Variants in MTUS2 observed in about 807,000 individuals in gnomAD.
The protein encoded by MTUS2 is microtubule-associated tumor suppressor candidate 2.
A neutral mutation model predicts 114.1 loss-of-function variants in MTUS2; 40 were observed. The ratio of observed to expected loss-of-function variants is 0.35; its 90% CI spans 0.27 to 0.46. MTUS2 has a LOEUF of 0.46. Among genes scored for constraint, MTUS2 ranks in the 20% least tolerant of loss-of-function variants. The pLI is 1.00. For missense variants in MTUS2, 1,679 were observed against 1,705.4 expected (o/e 0.98, Z 0.27); for synonymous variants, 688 against 672.0 (o/e 1.02, Z -0.37).
chr13:29,324,519 A>G, intron 6 of MTUS2, 94 bp from the exon 7 acceptor site: 1 of 841,782 alleles, frequency 1.2e-6, no homozygotes, highest in Admixed American at 2.3e-5. Context: ...GATATGTTTG[A>G]CTTTCTTGAA....
At chr13:28,861,410 A>T (rs1380867769) in intron 2 of MTUS2, among the ~76,000 whole-genome samples, 1 of 148,948 alleles carries the variant, frequency 6.7e-6, no homozygotes, top group Non-Finnish European at 1.5e-5. Context: ...TTGTGTAGGC[A>T]TGTAGCCCTT....
At chr13:28,834,430 G>T (rs1264702700) in intron 1 of MTUS2, among the ~76,000 whole-genome samples, 2 of 152,048 alleles carry the variant, frequency 1.3e-5, no homozygotes, top group African/African-American at 2.4e-5. Flanking sequence ...TTCAATTCAA[G>T]AAAGAATGAA....
At chr13:29,096,953 A>G (rs1035192053) in intron 4 of MTUS2, among the ~76,000 whole-genome samples, 2 of 152,028 alleles carry the variant, frequency 1.3e-5, no homozygotes, top group African/African-American at 4.8e-5. Flanking sequence ...TCTGTCTTAT[A>G]TGTTTGGGCC....
chr13:29,465,536 G>A (rs535971454), intron 9 of MTUS2, among the ~76,000 whole-genome samples: 1 of 152,276 alleles, frequency 6.6e-6, no homozygotes, highest in Non-Finnish European at 1.5e-5. Context: ...TATAATCTTT[G>A]CACACTAGTA....
intron 4 of MTUS2, among the ~76,000 whole-genome samples, chr13:29,088,885 C>T (rs1240627617): frequency 6.6e-6 from 1 of 152,134 alleles, no homozygotes; most frequent in Non-Finnish European, 1.5e-5. Flanking sequence ...GAAGACAGCA[C>T]ACAGTTGGGT....
intron 8 of MTUS2, among the ~76,000 whole-genome samples, chr13:29,439,374 T>C (rs904034613): frequency 6.6e-6 from 1 of 152,220 alleles, no homozygotes; most frequent in African/African-American, 2.4e-5. Flanking sequence ...CACTAAATGG[T>C]ATTTCAAGCC....
At chr13:29,045,152 A>G (rs1044807267) in intron 4 of MTUS2, among the ~76,000 whole-genome samples, 10 of 152,212 alleles carry the variant, frequency 6.6e-5, no homozygotes, top group African/African-American at 2.4e-4. Flanking sequence ...AATATAAGAT[A>G]GTCATGAGAA....
At chr13:29,037,205 G>C (rs1412806829) in intron 4 of MTUS2, among the ~76,000 whole-genome samples, 1 of 152,182 alleles carries the variant, frequency 6.6e-6, no homozygotes, top group Admixed American at 6.5e-5. Flanking sequence ...AGGCAGGCCT[G>C]GTGGTGACAC....
intron 9 of MTUS2, among the ~76,000 whole-genome samples, chr13:29,457,966 A>G (rs1879237504): frequency 6.6e-6 from 1 of 152,156 alleles, no homozygotes; most frequent in African/African-American, 2.4e-5. Context: ...GTTAGCCAGG[A>G]TGGTCTTGAT....
At chr13:28,994,845 G>A (rs1357435519) in intron 2 of MTUS2, among the ~76,000 whole-genome samples, 2 of 152,126 alleles carry the variant, frequency 1.3e-5, no homozygotes, top group African/African-American at 4.8e-5. Flanking sequence ...CTCCCATTCT[G>A]TAGATTGCCT....
chr13:29,366,569 G>A (rs1025565509), intron 8 of MTUS2, among the ~76,000 whole-genome samples: 1 of 152,218 alleles, frequency 6.6e-6, no homozygotes, highest in Admixed American at 6.5e-5. Context: ...TCCTCAGGGG[G>A]TAGAGTATGC....
chr13:29,406,722 C>T (rs1463122556), intron 8 of MTUS2, among the ~76,000 whole-genome samples: 1 of 152,092 alleles, frequency 6.6e-6, no homozygotes, highest in Admixed American at 6.5e-5. Flanking sequence ...GCTGCATTCC[C>T]AAGAATGTTT....
chr13:29,364,187 T>C (rs1870510450), intron 8 of MTUS2, among the ~76,000 whole-genome samples: 1 of 152,058 alleles, frequency 6.6e-6, no homozygotes, highest in Admixed American at 6.6e-5. Flanking sequence ...GACCTAATGG[T>C]TTAAGCTGTT....
At chr13:29,288,137 C>G (rs530922077) in intron 6 of MTUS2, among the ~76,000 whole-genome samples, 1 of 152,076 alleles carries the variant, frequency 6.6e-6, no homozygotes, top group Admixed American at 6.6e-5. Flanking sequence ...CTAGCAATGT[C>G]CAGTAGACAG....
At chr13:29,315,625 CAACTG>C (rs1327153478) in intron 6 of MTUS2, among the ~76,000 whole-genome samples, 18 of 152,112 alleles carry the variant, frequency 1.2e-4, no homozygotes, top group African/African-American at 4.3e-4. Context: ...AAAAGGGTGA[CAACTG>C]GATTGAGCTA....
intron 3 of MTUS2, 147 bp downstream of exon 3, chr13:29,027,050 C>A: frequency 1.1e-6 from 1 of 874,480 alleles, no homozygotes; most frequent in Non-Finnish European, 1.7e-6. Flanking sequence ...GAGTTTTTGA[C>A]TAGAGGAGAT....
intron 2 of MTUS2, among the ~76,000 whole-genome samples, chr13:28,892,768 G>A: frequency 6.6e-6 from 1 of 152,112 alleles, no homozygotes; most frequent in East Asian, 1.9e-4. Context: ...GGGGACCTTG[G>A]TGAAGAGCTT....
intron 2 of MTUS2, among the ~76,000 whole-genome samples, chr13:29,018,062 G>A (rs1886140287): frequency 1.3e-5 from 2 of 152,174 alleles, no homozygotes; most frequent in Admixed American, 1.3e-4. Context: ...CTGTTTGGTG[G>A]GGGAAGGGAG....
At position 29,496,637 on chromosome 13, in the gene MTUS2, T is replaced by C. The variant is rs1882570144; in HGVS notation, c.3580-601T>C. 6.6e-6 allele frequency among the ~76,000 whole-genome samples: 1 copy of C among 151,952 alleles called. No homozygotes were observed. Among genetic ancestry groups the C allele is most frequent in the African/African-American group, 2.4e-5 (1 of 41,342 alleles). ...CAGTGTGAGGGCAAAAGAGTGGTAATTCAGAGAAAAAGAGGAACCGTGCCA... is the reference window on the plus strand; with the variant it reads ...CAGTGTGAGGGCAAAAGAGTGGTAACTCAGAGAAAAAGAGGAACCGTGCCA... On this transcript the variant is annotated intron_variant, in intron 12 of 15. Coordinates refer to ENST00000612955, the MANE Select transcript of MTUS2 (RefSeq NM_001033602.4). The surrounding 1 kb of genome is among the most constrained non-coding windows in gnomAD (Gnocchi z 4.3).
Sources: gnomAD v4.1 joint callset for allele counts (sites outside exome capture counted in the v4.1 genomes callset) on GRCh38, gnomAD v4.1.1 for gene constraint, Gnocchi (gnomAD v3.1) non-coding constraint, MANE v1.5 for transcripts, NCBI Gene and HGNC (gene_info 2026-07-23, HGNC 2026-07-21) for gene names.